SVOPL: variants seen among roughly 807,000 people sequenced by gnomAD.
SVOPL encodes the protein putative transporter SVOPL.
SVOPL carries 60 observed loss-of-function variants against 61.0 expected under a neutral mutation model. The observed-to-expected ratio is 0.98, with a 90% CI of 0.80 to 1.22. The LOEUF is 1.22. Ranked by LOEUF, SVOPL falls within the 50% of genes most tolerant of loss-of-function variation. The probability of loss-of-function intolerance (pLI) is 0.00; values close to 1 mark genes in which losing one functional copy is unlikely to be tolerated. For missense variants in SVOPL, 662 were observed against 643.9 expected (o/e 1.03, Z -0.30); for synonymous variants, 279 against 250.0 (o/e 1.12, Z -1.09).
chr7:138,646,289 G>A, intron 8 of SVOPL: 1 of 164,734 alleles, frequency 6.1e-6, no homozygotes. Flanking sequence ...CTCCAGTTCT[G>A]CCACAGTAAC....
chr7:138,676,351 TCA>T (rs1283116543), intron 3 of SVOPL, among the ~76,000 whole-genome samples: 1 of 152,230 alleles, frequency 6.6e-6, no homozygotes. Flanking sequence ...ATTCATTTTC[TCA>T]CAGTTCTGCA....
intron 14 of SVOPL, among the ~76,000 whole-genome samples, chr7:138,611,270 C>G (rs748789980): frequency 3.3e-5 from 5 of 152,038 alleles, no homozygotes; most frequent in Non-Finnish European, 7.4e-5. Context: ...CCTAGCTACT[C>G]GGGACGCTGA....
chr7:138,677,510 T>C (rs1327609942), intron 3 of SVOPL, among the ~76,000 whole-genome samples: 1 of 152,172 alleles, frequency 6.6e-6, no homozygotes, highest in Non-Finnish European at 1.5e-5. Flanking sequence ...AAGACATGTT[T>C]CTTTGCCGTA....
At chr7:138,664,898 C>G (rs1201210436) in intron 4 of SVOPL, among the ~76,000 whole-genome samples, 1 of 92,798 alleles carries the variant, frequency 1.1e-5, no homozygotes, top group Non-Finnish European at 2.2e-5. Context: ...CCTGACCCTT[C>G]CCCCAACCAG....
intron 1 of SVOPL, among the ~76,000 whole-genome samples, chr7:138,679,526 G>A (rs1246473467): frequency 6.6e-6 from 1 of 152,106 alleles, no homozygotes; most frequent in Non-Finnish European, 1.5e-5. Context: ...GCCCACCTCG[G>A]CTTCCCAAAG....
At chr7:138,632,422 A>C (rs1370955138) in intron 9 of SVOPL, among the ~76,000 whole-genome samples, 1 of 151,784 alleles carries the variant, frequency 6.6e-6, no homozygotes, top group East Asian at 1.9e-4. Flanking sequence ...TGACAAGAGC[A>C]AGACTCCATC....
At chr7:138,607,280 C>T (rs1490394484) in intron 14 of SVOPL, among the ~76,000 whole-genome samples, 1 of 152,146 alleles carries the variant, frequency 6.6e-6, no homozygotes, top group Non-Finnish European at 1.5e-5. Context: ...GAGGAAGTCA[C>T]TGGTAACTAA....
rs1007117535 is a variant in SVOPL at position 138,662,623 on chromosome 7, G to C, written c.345+451C>G. On this transcript the variant is annotated intron_variant, in intron 5 of 15. Coordinates refer to ENST00000674285, the MANE Select transcript of SVOPL (RefSeq NM_001139456.2). ...TTCCATTCCCCTTATTAACTCATTAGAAGCGAAGATATGGATAAATGGAGA... is the reference window on the plus strand; with the variant it reads ...TTCCATTCCCCTTATTAACTCATTACAAGCGAAGATATGGATAAATGGAGA... 3 of 990,226 alleles carry C rather than the reference G, an allele frequency of 3.0e-6. No homozygotes were observed. The African/African-American group carries it at 5.2e-5, about 17-fold the overall frequency. 61.3% of individuals were successfully genotyped at this position (990,226 alleles called of 1,614,324 possible). A position where few individuals can be genotyped will look rare whatever the true frequency, so the allele number is the denominator to read the frequency against.
intron 3 of SVOPL, among the ~76,000 whole-genome samples, chr7:138,672,641 GT>G (rs11462058): frequency 3.8e-5 from 4 of 104,346 alleles, no homozygotes; most frequent in African/African-American, 1.1e-4. Context: ...GCAGGAAAGT[GT>G]TTTTTTTTGT....
intron 5 of SVOPL, chr7:138,660,980 T>TA: frequency 1.6e-5 from 16 of 982,842 alleles, no homozygotes; most frequent in Non-Finnish European, 1.8e-5. Context: ...ATAACTCCTG[T>TA]ACTTTAATGT....
At chr7:138,631,203 T>TA (rs1466919510) in intron 9 of SVOPL, among the ~76,000 whole-genome samples, 2 of 152,146 alleles carry the variant, frequency 1.3e-5, no homozygotes, top group African/African-American at 4.8e-5. Context: ...GGTTAATTTT[T>TA]AATTTTTGTG....
intron 14 of SVOPL, among the ~76,000 whole-genome samples, chr7:138,599,897 A>AG (rs1798442824): frequency 1.3e-5 from 2 of 152,082 alleles, no homozygotes; most frequent in African/African-American, 4.8e-5. Context: ...CAAAAAAAAA[A>AG]AAAAAAAGGA....
At chr7:138,690,969 T>A (rs561974311) in intron 1 of SVOPL, among the ~76,000 whole-genome samples, 82 of 152,242 alleles carry the variant, frequency 5.4e-4, no homozygotes, top group African/African-American at 1.8e-3. Context: ...GAGACTGAGT[T>A]TCACCATTTT....
chr7:138,658,220 C>T (rs1341654763), intron 6 of SVOPL, among the ~76,000 whole-genome samples: 7 of 152,090 alleles, frequency 4.6e-5, no homozygotes, highest in Non-Finnish European at 8.8e-5. Flanking sequence ...CAGCAAGTCT[C>T]AGCTTCATTT....
chr7:138,618,765 A>G (rs1799417593), intron 14 of SVOPL, among the ~76,000 whole-genome samples: 4 of 152,180 alleles, frequency 2.6e-5, no homozygotes, highest in Admixed American at 2.6e-4. Flanking sequence ...AAGAAAAAAG[A>G]AAAAGAAGGA....
intron 9 of SVOPL, 146 bp from the exon 10 acceptor site, chr7:138,630,268 C>G: frequency 1.5e-6 from 1 of 652,170 alleles, no homozygotes; most frequent in Non-Finnish European, 2.7e-6. Flanking sequence ...GTACAGCTGA[C>G]ACAAACCCAG....
chr7:138,672,965 A>AGAT lies in SVOPL; in HGVS notation c.175-851_175-849dup, dbSNP rs549444135. Among the ~76,000 whole-genome samples the AGAT allele has an allele frequency of 6.5e-3, 984 of 152,014 alleles. 15 individuals carry two copies. Among genetic ancestry groups the AGAT allele is most frequent in the African/African-American group, 0.023 (943 of 41,458 alleles). The stretch of plus-strand genomic sequence containing the variant: ...AAGAATTGAAGGAATAATTATAAAT[A>AGAT]GATGATGAAAGTTAGGTAAAGGATC... On this transcript the variant is annotated intron_variant, in intron 3 of 15. Transcript: ENST00000674285.
intron 14 of SVOPL, among the ~76,000 whole-genome samples, chr7:138,602,357 C>G (rs914482535): frequency 6.6e-6 from 1 of 151,246 alleles, no homozygotes; most frequent in African/African-American, 2.4e-5. Flanking sequence ...CACATACATG[C>G]CACAGAAATC....
intron 5 of SVOPL, chr7:138,660,714 G>T: frequency 4.1e-6 from 4 of 985,374 alleles, no homozygotes; most frequent in Non-Finnish European, 4.8e-6. Context: ...CAAATGTTCA[G>T]GTTAGCAGAA....
Sources: gnomAD v4.1 joint callset for allele counts (sites outside exome capture counted in the v4.1 genomes callset) on GRCh38, gnomAD v4.1.1 for gene constraint, MANE v1.5 for transcripts, NCBI Gene and HGNC (gene_info 2026-07-23, HGNC 2026-07-21) for gene names.